Variants in CPSF7 observed in about 807,000 individuals in gnomAD.
The protein encoded by CPSF7 is cleavage and polyadenylation specificity factor subunit 7.
Under a neutral mutation model 44.3 loss-of-function variants are expected in CPSF7, and 1 was observed. The ratio of observed to expected loss-of-function variants is 0.02; its 90% confidence interval spans 0.01 to 0.11. The LOEUF (loss-of-function observed/expected upper bound fraction) is 0.11, where lower values mean the gene tolerates loss of function less well. Ranked by LOEUF, CPSF7 falls within the 10% of genes least tolerant of loss-of-function variation. The probability of loss-of-function intolerance (pLI) is 1.00; values close to 1 mark genes in which losing one functional copy is unlikely to be tolerated. For synonymous variants in CPSF7, 202 were observed against 222.0 expected, an observed-to-expected ratio of 0.91 and a Z score of 0.80; for missense variants, 443 against 607.2, an observed-to-expected ratio of 0.73 and a Z score of 2.84.
chr11:61,405,464 G>A (rs1327611325), intron 9 of CPSF7, among the ~76,000 whole-genome samples: 1 of 152,136 alleles, frequency 6.6e-6, no homozygotes, highest in East Asian at 1.9e-4. Flanking sequence ...AGCAGAGCAT[G>A]GAAGAAACCT....
At chr11:61,418,583 T>C (rs1297200127) in intron 5 of CPSF7, among the ~76,000 whole-genome samples, 1 of 152,178 alleles carries the variant, frequency 6.6e-6, no homozygotes, top group Non-Finnish European at 1.5e-5. Context: ...GCGAATTCTC[T>C]TCCTAGTAGG....
chr11:61,409,202 G>A lies in CPSF7; in HGVS notation c.*5+1736C>T, dbSNP rs185186348. 6.3e-4 allele frequency among the ~76,000 whole-genome samples: 96 copies of A among 151,710 alleles called. 1 individual carries two copies. Among genetic ancestry groups the A allele is most frequent in the African/African-American group, 2.2e-3 (93 of 41,342 alleles). Reference sequence around the variant, plus strand: ...ACAAAACAAAAAAACAGCCGGGTGCGGTGGCTCACGCCTGTAATCCCAGCA... The same window carrying A: ...ACAAAACAAAAAAACAGCCGGGTGCAGTGGCTCACGCCTGTAATCCCAGCA... On this transcript the variant is annotated intron_variant, in intron 9 of 9. Coordinates refer to ENST00000439958, the MANE Select transcript of CPSF7 (RefSeq NM_001142565.3).
intron 9 of CPSF7, among the ~76,000 whole-genome samples, chr11:61,407,184 T>C (rs1232788346): frequency 6.6e-6 from 1 of 152,164 alleles, no homozygotes; most frequent in Non-Finnish European, 1.5e-5. Context: ...TTCCCTGTCA[T>C]AAGGCTGTCA....
rs1020601528 is a variant in CPSF7 at position 61,429,485 on chromosome 11, C to A, written c.-55-195G>T. ...GGCCGCCGGGGGTCGCTGCCCATCACCCTCGGGCCCGACCCGGGTAGCGCC... is the reference window on the plus strand; with the variant it reads ...GGCCGCCGGGGGTCGCTGCCCATCAACCTCGGGCCCGACCCGGGTAGCGCC... On this transcript the variant is annotated intron_variant, in intron 1 of 9. Coordinates refer to ENST00000439958, the MANE Select transcript of CPSF7 (RefSeq NM_001142565.3). The A allele has an allele frequency of 9.4e-6, 5 of 530,488 alleles. No homozygotes were observed. The African/African-American group carries it at 1.0e-4, about 11-fold the overall frequency. 32.9% of individuals were successfully genotyped at this position (530,488 alleles called of 1,614,324 possible).
chr11:61,404,962 CAG>C (rs1167825682), intron 9 of CPSF7, among the ~76,000 whole-genome samples: 1 of 152,120 alleles, frequency 6.6e-6, no homozygotes, highest in Non-Finnish European at 1.5e-5. Context: ...GGTGAAAAAA[CAG>C]AACAAAATGA....
chr11:61,416,452 C>A lies in CPSF7; in HGVS notation c.591G>T (p.Glu197Asp). 6.2e-7 allele frequency: 1 copy of A among 1,614,108 alleles called. No individual in the cohort carries two copies. Among genetic ancestry groups the A allele is most frequent in the South Asian group, 1.1e-5 (1 of 91,076 alleles). Residue 197 changes from glutamate (E) to aspartate (D), a missense_variant, in exon 6 of 10, where the codon GAG (glutamate) becomes GAT (aspartate). By Grantham distance (45) the Glu-to-Asp change is conservative (BLOSUM62 2). Coordinates refer to ENST00000439958, the MANE Select transcript of CPSF7 (RefSeq NM_001142565.3). ...DSADGRATPSENLVPSSARVD... is the reference protein window; with the variant it reads ...DSADGRATPSDNLVPSSARVD... ...CACGAGCAGATGAGGGTACAAGGTT[C>A]TCAGAGGGTGTGGCCCGTCCATCAG...
intron 1 of CPSF7, chr11:61,429,611 G>C: frequency 1.1e-6 from 1 of 873,650 alleles, no homozygotes; most frequent in Non-Finnish European, 1.7e-6. Flanking sequence ...GGCGAAGCCC[G>C]CAGCCCCTAT....
In CPSF7 at chr11:61,429,333, T is replaced by G. The variant is rs752815522; in HGVS notation, c.-55-43A>C. 74 of 1,204,532 alleles carry G rather than the reference T, an allele frequency of 6.1e-5. No homozygotes were observed. The East Asian group carries it at 1.7e-3, about 27-fold the overall frequency. The allele number at this position is 1,204,532 out of a possible 1,614,324, so 74.6% of individuals were successfully genotyped here. On this transcript the variant is annotated intron_variant, in intron 1 of 9. Transcript: ENST00000439958. Reference sequence around the variant, plus strand: ...ATGCAAGAATTAGAAGGCACGAGGGTCCTGGGCTGGGAAGAGGGTAATGAT... The same window carrying G: ...ATGCAAGAATTAGAAGGCACGAGGGGCCTGGGCTGGGAAGAGGGTAATGAT...
chr11:61,428,710 T>C (rs1353521965), intron 2 of CPSF7, among the ~76,000 whole-genome samples: 1 of 152,216 alleles, frequency 6.6e-6, no homozygotes, highest in East Asian at 1.9e-4. Context: ...TAAAACTTAA[T>C]TGGAATGGAG....
chr11:61,428,055 A>T (rs570320193), intron 2 of CPSF7, among the ~76,000 whole-genome samples: 49 of 152,368 alleles, frequency 3.2e-4, no homozygotes, highest in Middle Eastern at 3.4e-3. Context: ...TTACTTACAT[A>T]GAATGGTGCT....
intron 2 of CPSF7, among the ~76,000 whole-genome samples, chr11:61,424,137 G>C (rs1029460061): frequency 6.6e-6 from 1 of 152,174 alleles, no homozygotes; most frequent in Non-Finnish European, 1.5e-5. Flanking sequence ...CCATCAAAAA[G>C]GATTGTGCAT....
intron 3 of CPSF7, 50 bp downstream of exon 3, chr11:61,421,340 G>T: frequency 1.4e-6 from 2 of 1,475,272 alleles, no homozygotes; most frequent in Non-Finnish European, 1.9e-6. Context: ...TCACCTCCCA[G>T]TGCTCTCCCT....
intron 5 of CPSF7, among the ~76,000 whole-genome samples, chr11:61,419,297 T>C (rs1246066564): frequency 2.6e-5 from 4 of 152,240 alleles, no homozygotes; most frequent in Admixed American, 6.5e-5. Flanking sequence ...GCTGGGATTA[T>C]AGGCGTGAGC....
intron 3 of CPSF7, 47 bp from the exon 4 acceptor site, chr11:61,420,620 C>A (rs770045041): frequency 6.9e-7 from 1 of 1,455,274 alleles, no homozygotes; most frequent in Non-Finnish European, 9.6e-7. Context: ...GAGCTACACC[C>A]CCGCCCGCCA....
At chr11:61,409,088 T>A (rs1859602937) in intron 9 of CPSF7, among the ~76,000 whole-genome samples, 1 of 151,468 alleles carries the variant, frequency 6.6e-6, no homozygotes, top group African/African-American at 2.4e-5. Flanking sequence ...TACAGAGCCA[T>A]GATGGTGCCT....
At chr11:61,409,045 C>A (rs1453798154) in intron 9 of CPSF7, among the ~76,000 whole-genome samples, 1 of 151,840 alleles carries the variant, frequency 6.6e-6, no homozygotes, top group East Asian at 1.9e-4. Flanking sequence ...GAGGCTGAGG[C>A]AGGAGGATCA....
chr11:61,406,384 G>A (rs1445419976), intron 9 of CPSF7, among the ~76,000 whole-genome samples: 1 of 152,170 alleles, frequency 6.6e-6, no homozygotes, highest in African/African-American at 2.4e-5. Context: ...CTAACTAAAA[G>A]GTTGCTATAA....
At chr11:61,428,093 C>T (rs142731305) in intron 2 of CPSF7, among the ~76,000 whole-genome samples, 2 of 152,164 alleles carry the variant, frequency 1.3e-5, no homozygotes, top group Admixed American at 1.3e-4. Flanking sequence ...GATATTAGTA[C>T]GTTTTCAATA....
At chr11:61,425,258 A>G (rs1224023012) in intron 2 of CPSF7, among the ~76,000 whole-genome samples, 1 of 152,210 alleles carries the variant, frequency 6.6e-6, no homozygotes, top group African/African-American at 2.4e-5. Context: ...ATCACAATTC[A>G]TTTTACTTGT....
Sources: gnomAD v4.1 joint callset for allele counts (sites outside exome capture counted in the v4.1 genomes callset) on GRCh38, gnomAD v4.1.1 for gene constraint, MANE v1.5 for transcripts, NCBI Gene and HGNC (gene_info 2026-07-23, HGNC 2026-07-21) for gene names.